FBN2: variants seen among roughly 807,000 people sequenced by gnomAD.
FBN2 encodes fibrillin-2.
A neutral mutation model predicts 355.6 loss-of-function variants in FBN2; 105 were observed. The observed-to-expected ratio is 0.30, with a 90% CI of 0.25 to 0.35. The LOEUF is 0.35. FBN2 is among the 10% of genes least tolerant of loss of function. The pLI, the probability that FBN2 is intolerant of heterozygous loss-of-function variation, is 1.00. For synonymous variants in FBN2, 1,350 were observed against 1,301.2 expected (o/e 1.04, Z -0.81); for missense variants, 3,280 against 3,758.7 (o/e 0.87, Z 3.33).
At chr5:128,376,650 G>A (rs1752084475) in intron 14 of FBN2, 81 bp downstream of exon 14, 1 of 1,501,918 alleles carries the variant, frequency 6.7e-7, no homozygotes, top group Non-Finnish European at 9.3e-7. Context: ...TGGGGAAGCT[G>A]AAGTAATTCT....
intron 30 of FBN2, 115 bp downstream of exon 30, chr5:128,335,055 A>G: frequency 6.8e-7 from 1 of 1,477,944 alleles, no homozygotes; most frequent in Non-Finnish European, 9.4e-7. Flanking sequence ...TAGTAAAATG[A>G]TTTGAATTTT....
At chr5:128,515,371 T>C (rs923520714) in intron 5 of FBN2, among the ~76,000 whole-genome samples, 11 of 152,318 alleles carry the variant, frequency 7.2e-5, no homozygotes, top group Non-Finnish European at 1.0e-4. Context: ...TCCCACTGAA[T>C]TAGACTATAT....
intron 7 of FBN2, among the ~76,000 whole-genome samples, chr5:128,417,619 A>G (rs576545590): frequency 6.6e-6 from 1 of 152,196 alleles, no homozygotes; most frequent in Non-Finnish European, 1.5e-5. Context: ...TATGGTTTTC[A>G]TCCTTCATTC....
rs533696908 is a variant in FBN2, at chr5:128,428,815, T to C, written c.952+17666A>G. ...CGTAAATATATTTTTGTATGAGTGATTCTGGTATCAGTGTCATCTGGGTGT... is the reference window on the plus strand; with the variant it reads ...CGTAAATATATTTTTGTATGAGTGACTCTGGTATCAGTGTCATCTGGGTGT... On this transcript the variant is annotated intron_variant, in intron 7 of 64. Coordinates refer to ENST00000262464, the MANE Select transcript of FBN2 (RefSeq NM_001999.4). Among the ~76,000 whole-genome samples the C allele has an allele frequency of 3.8e-3, 575 of 152,340 alleles. 1 individual carries two copies. Among genetic ancestry groups the C allele is most frequent in the South Asian group, 0.012 (57 of 4,830 alleles).
intron 63 of FBN2, among the ~76,000 whole-genome samples, chr5:128,263,147 G>C (rs1230403465): frequency 6.6e-6 from 1 of 152,110 alleles, no homozygotes; most frequent in Non-Finnish European, 1.5e-5. Context: ...TCTGGCCTTG[G>C]GTCAAATTGA....
At chr5:128,519,216 A>G (rs1201561251) in intron 5 of FBN2, 57 bp downstream of exon 5, 4 of 1,202,274 alleles carry the variant, frequency 3.3e-6, no homozygotes, top group Non-Finnish European at 4.9e-6. Flanking sequence ...AAAAAATTAT[A>G]CATTTTTACA....
At chr5:128,492,305 C>A (rs1755527822) in intron 5 of FBN2, among the ~76,000 whole-genome samples, 1 of 152,156 alleles carries the variant, frequency 6.6e-6, no homozygotes, top group South Asian at 2.1e-4. Flanking sequence ...GAATCATTTT[C>A]TTTTTCACTG....
chr5:128,318,294 C>T (rs756925744), intron 35 of FBN2, 23 bp from the exon 36 acceptor site: 4 of 1,613,588 alleles, frequency 2.5e-6, no homozygotes, highest in African/African-American at 2.7e-5. Context: ...TTTAAAATGC[C>T]CAGGTTACCA....
At chr5:128,509,337 C>G (rs6892983) in intron 5 of FBN2, among the ~76,000 whole-genome samples, 4 of 151,838 alleles carry the variant, frequency 2.6e-5, no homozygotes, top group Non-Finnish European at 4.4e-5. Flanking sequence ...CAGGCTCACT[C>G]GTCTTTTCGC....
rs776926809 is a variant in FBN2 at position 128,273,979 on chromosome 5, A to T, written c.7712-11T>A. 21 of 1,613,912 alleles carry T rather than the reference A, an allele frequency of 1.3e-5. No individual in the cohort carries two copies. Among genetic ancestry groups the T allele is most frequent in the Non-Finnish European group, 1.8e-5 (21 of 1,179,860 alleles). The stretch of plus-strand genomic sequence containing the variant: ...CACATTCGTTGTTGTCTGGCAAAGC[A>T]TCAAGAAGCAGAGCGTCAAACTTTC... On this transcript the variant is annotated splice_polypyrimidine_tract_variant and intron_variant, in intron 60 of 64. Coordinates refer to ENST00000262464, the MANE Select transcript of FBN2 (RefSeq NM_001999.4).
chr5:128,278,304 G>A (rs1345441744), intron 57 of FBN2, among the ~76,000 whole-genome samples: 1 of 152,144 alleles, frequency 6.6e-6, no homozygotes, highest in African/African-American at 2.4e-5. Flanking sequence ...CCCCCTCAAA[G>A]TCCATCCCTT....
At chr5:128,495,565 C>T (rs1755635148) in intron 5 of FBN2, among the ~76,000 whole-genome samples, 1 of 151,920 alleles carries the variant, frequency 6.6e-6, no homozygotes, top group Admixed American at 6.6e-5. Context: ...TTTATCATAA[C>T]AATTAAGGAT....
intron 6 of FBN2, among the ~76,000 whole-genome samples, chr5:128,457,559 T>C (rs1188719351): frequency 6.6e-6 from 1 of 152,054 alleles, no homozygotes; most frequent in East Asian, 1.9e-4. Flanking sequence ...GATAGAAAGG[T>C]CAGGTCACCT....
At chr5:128,452,579 G>T (rs544589481) in intron 6 of FBN2, among the ~76,000 whole-genome samples, 1 of 152,072 alleles carries the variant, frequency 6.6e-6, no homozygotes, top group Non-Finnish European at 1.5e-5. Context: ...AGTATTATAG[G>T]CATATAAAAA....
intron 6 of FBN2, among the ~76,000 whole-genome samples, chr5:128,459,434 C>T (rs1366839562): frequency 6.6e-6 from 1 of 152,156 alleles, no homozygotes; most frequent in Non-Finnish European, 1.5e-5. Context: ...AGAAGGGACT[C>T]CTCCCTAACT....
chr5:128,536,758 T>C (rs1385488855), intron 1 of FBN2, among the ~76,000 whole-genome samples: 1 of 152,122 alleles, frequency 6.6e-6, no homozygotes, highest in Non-Finnish European at 1.5e-5. Flanking sequence ...AAACATATAA[T>C]TTGCTACTAT....
rs1394767057 is a variant in FBN2 at position 128,258,097 on chromosome 5, A to C, written c.*1358T>G. The stretch of plus-strand genomic sequence containing the variant: ...AAAATACTGGGTATAACTGGTTACT[A>C]ATCTTTGGTCAGCACAGGTTTGAGA... On this transcript the variant is annotated 3_prime_UTR_variant, in exon 65 of 65. Coordinates refer to ENST00000262464, the MANE Select transcript of FBN2 (RefSeq NM_001999.4). 6.6e-6 allele frequency: 1 copy of C among 152,494 alleles called. No homozygotes were observed. Among genetic ancestry groups the C allele is most frequent in the Non-Finnish European group, 1.5e-5 (1 of 68,024 alleles). 9.4% of individuals were successfully genotyped at this position (152,494 alleles called of 1,614,324 possible).
intron 11 of FBN2, among the ~76,000 whole-genome samples, chr5:128,383,228 C>T (rs1752279671): frequency 6.6e-6 from 1 of 151,888 alleles, no homozygotes; most frequent in South Asian, 2.1e-4. Context: ...CAACAAGGTG[C>T]AAAGGCAATT....
chr5:128,395,080 T>C (rs994720083), intron 9 of FBN2, 42 bp downstream of exon 9: 1 of 1,611,838 alleles, frequency 6.2e-7, no homozygotes, highest in Admixed American at 1.7e-5. Flanking sequence ...CTAATTTTCC[T>C]AACAGTGTCT....
Sources: allele counts gnomAD v4.1 joint callset (sites outside exome capture counted in the v4.1 genomes callset), GRCh38; gene constraint gnomAD v4.1.1; transcripts MANE v1.5; gene names NCBI Gene and HGNC (gene_info 2026-07-23, HGNC 2026-07-21).